HDLBP: variants seen among roughly 807,000 people sequenced by gnomAD.
The protein encoded by HDLBP is vigilin.
In HDLBP, 30 loss-of-function variants were observed where a neutral mutation model predicts 137.3. The observed-to-expected ratio is 0.22, with a 90% CI of 0.16 to 0.30. HDLBP has a LOEUF of 0.30. HDLBP is among the 10% of genes least tolerant of loss of function. The pLI, the probability that HDLBP is intolerant of heterozygous loss-of-function variation, is 1.00. For missense variants in HDLBP, 1,119 were observed against 1,667.3 expected (o/e 0.67, Z 5.73); for synonymous variants, 606 against 596.0 (o/e 1.02, Z -0.24).
At chr2:241,264,371 A>AG in intron 4 of HDLBP, 77 bp downstream of exon 4, 2 of 1,200,530 alleles carry the variant, frequency 1.7e-6, no homozygotes, top group Non-Finnish European at 2.4e-6. Context: ...CAAAAAAAAA[A>AG]AAAAGAAAAA....
intron 1 of HDLBP, among the ~76,000 whole-genome samples, chr2:241,280,933 A>G (rs114419402): frequency 2.2e-4 from 33 of 152,366 alleles, no homozygotes; most frequent in Non-Finnish European, 3.7e-4. Context: ...CATTTAGTGG[A>G]GTATGCCACT....
chr2:241,236,804 T>G (rs1417622280), intron 20 of HDLBP, 35 bp from the exon 21 acceptor site: 1 of 1,607,576 alleles, frequency 6.2e-7, no homozygotes, highest in Admixed American at 1.7e-5. Flanking sequence ...AGCTGACAGC[T>G]GCTGGAAGAG....
chr2:241,270,060 G>A (rs148747798), intron 1 of HDLBP, among the ~76,000 whole-genome samples: 2 of 152,266 alleles, frequency 1.3e-5, no homozygotes, highest in South Asian at 2.1e-4. Context: ...ATGCAGTTCC[G>A]TCCATGTCAG....
In HDLBP at chr2:241,239,821, CTGCAG is replaced by C; in HGVS notation, c.2392-6_2392-2del. On this transcript the variant is annotated splice_acceptor_variant and splice_polypyrimidine_tract_variant and intron_variant, in intron 18 of 27. Coordinates refer to ENST00000310931, the MANE Select transcript of HDLBP (RefSeq NM_005336.6). LOFTEE classifies it high-confidence loss of function. The surrounding 1 kb of genome is among the most constrained non-coding windows in gnomAD (Gnocchi z 4.6). ...GCATGGAGTCTTCCACCACATTATC[CTGCAG>C]TGTTAAGAAGAGATGGAAGATAAGC... 2 of 1,613,566 alleles carry C rather than the reference CTGCAG, an allele frequency of 1.2e-6. No homozygotes were observed. The highest frequency in any genetic ancestry group is 2.7e-5 in the African/African-American group (2 of 75,046).
rs2074226338 is a variant in HDLBP at position 241,272,943 on chromosome 2, C to T, written c.-102-4402G>A. ...GGGGTCCCCGCCGCCCCGGGCCGCC[C>T]AGCACCCGGGAGGCCCACCCAACTG... is the stretch of plus-strand genomic sequence containing the variant. On this transcript the variant is annotated intron_variant, in intron 1 of 27. Transcript: ENST00000310931. The surrounding 1 kb of genome is among the most constrained non-coding windows in gnomAD (Gnocchi z 5.6). 7 of 889,676 alleles carry T rather than the reference C, an allele frequency of 7.9e-6. No individual in the cohort carries two copies. Among genetic ancestry groups the T allele is most frequent in the Non-Finnish European group, 9.4e-6 (7 of 742,376 alleles). The allele number at this position is 889,676 out of a possible 1,614,324, so 55.1% of individuals were successfully genotyped here. A position where few individuals can be genotyped will look rare whatever the true frequency, so the allele number is the denominator to read the frequency against.
At chr2:241,248,585 C>T (rs10933542) in intron 12 of HDLBP, among the ~76,000 whole-genome samples, 111,609 of 152,014 alleles carry the variant, frequency 0.73, 42,240 homozygotes, top group East Asian at 0.95. Flanking sequence ...CACGTCACTT[C>T]CCTGAACAAA....
chr2:241,263,259 A>C (rs927907844), intron 4 of HDLBP, among the ~76,000 whole-genome samples: 12 of 152,362 alleles, frequency 7.9e-5, no homozygotes, highest in African/African-American at 2.9e-4. Flanking sequence ...CTGAAGCACG[A>C]GGCAGCTATC....
chr2:241,290,601 A>G lies in HDLBP; in HGVS notation c.-102-22060T>C, dbSNP rs191445618. On this transcript the variant is annotated intron_variant, in intron 1 of 27. Coordinates refer to ENST00000310931, the MANE Select transcript of HDLBP (RefSeq NM_005336.6). ...CTCCAGCCTGGGCAACAAGAACAAA[A>G]CTCTGTCTCAAAGGAAAAAAAAAAA... Among the ~76,000 whole-genome samples the G allele has an allele frequency of 5.1e-3, 731 of 142,008 alleles. 5 individuals carry two copies. The highest frequency in any genetic ancestry group is 0.017 in the African/African-American group (690 of 40,394). The allele number at this position is 142,008 out of a possible 152,430, so 93.2% of individuals were successfully genotyped here.
intron 1 of HDLBP, among the ~76,000 whole-genome samples, chr2:241,293,677 T>G (rs184914068): frequency 1.4e-4 from 22 of 151,996 alleles, no homozygotes; most frequent in African/African-American, 4.8e-4. Context: ...CCCAGCACTT[T>G]GAGAGGCTGA....
intron 1 of HDLBP, among the ~76,000 whole-genome samples, chr2:241,313,649 A>T (rs1478528241): frequency 1.3e-5 from 2 of 152,146 alleles, no homozygotes; most frequent in Non-Finnish European, 2.9e-5. Flanking sequence ...TCCAGCAAAT[A>T]TTTTTTTGAA....
chr2:241,300,662 G>A (rs1022769748), intron 1 of HDLBP, among the ~76,000 whole-genome samples: 4 of 152,278 alleles, frequency 2.6e-5, no homozygotes, highest in East Asian at 1.9e-4. Flanking sequence ...GGTAACTGGC[G>A]CAAGATTTGA....
At chr2:241,281,210 C>T (rs537153539) in intron 1 of HDLBP, among the ~76,000 whole-genome samples, 2 of 152,090 alleles carry the variant, frequency 1.3e-5, no homozygotes, top group South Asian at 2.1e-4. Context: ...CAAAATTACT[C>T]GGGCTTGGGG....
At chr2:241,249,096 G>A (rs146643319) in intron 12 of HDLBP, among the ~76,000 whole-genome samples, 131 of 152,260 alleles carry the variant, frequency 8.6e-4, no homozygotes, top group African/African-American at 2.9e-3. Context: ...AATGAGCTCC[G>A]GGAAGGCCAC....
intron 17 of HDLBP, among the ~76,000 whole-genome samples, chr2:241,241,395 A>G (rs1574884289): frequency 6.6e-6 from 1 of 151,682 alleles, no homozygotes; most frequent in South Asian, 2.1e-4. Context: ...GTGAAACCCC[A>G]TCTCTACTAA....
intron 24 of HDLBP, among the ~76,000 whole-genome samples, chr2:241,232,409 G>A (rs1048934011): frequency 6.6e-6 from 1 of 152,100 alleles, no homozygotes; most frequent in Non-Finnish European, 1.5e-5. Context: ...CCGAGTAGCT[G>A]GGATTACAGG....
At chr2:241,242,922 A>G (rs2071385415) in intron 16 of HDLBP, 1 of 545,036 alleles carries the variant, frequency 1.8e-6, no homozygotes, top group Admixed American at 3.1e-5. Context: ...TGTTTAACTC[A>G]ACAGGACCCA....
chr2:241,251,285 CCAAAA>C (rs2149461006), intron 11 of HDLBP, among the ~76,000 whole-genome samples: 1 of 152,222 alleles, frequency 6.6e-6, no homozygotes, highest in South Asian at 2.1e-4. Context: ...TTAACCAAAA[CCAAAA>C]CAAAACCGTA....
intron 3 of HDLBP, among the ~76,000 whole-genome samples, chr2:241,264,903 C>T (rs1418052993): frequency 1.3e-5 from 2 of 152,196 alleles, no homozygotes; most frequent in Non-Finnish European, 2.9e-5. Context: ...TTGTGAGCCC[C>T]ACTCCCCTAA....
chr2:241,295,243 C>T (rs1305807361), intron 1 of HDLBP, among the ~76,000 whole-genome samples: 1 of 152,104 alleles, frequency 6.6e-6, no homozygotes, highest in African/African-American at 2.4e-5. Context: ...AACAATATTT[C>T]CCCAAAGTAA....
Sources: allele counts gnomAD v4.1 joint callset (sites outside exome capture counted in the v4.1 genomes callset), GRCh38; gene constraint gnomAD v4.1.1; non-coding constraint Gnocchi (gnomAD v3.1); transcripts MANE v1.5; gene names NCBI Gene and HGNC (gene_info 2026-07-23, HGNC 2026-07-21).